Variants in NBAS observed in about 807,000 individuals in gnomAD.
NBAS encodes NBAS subunit of NRZ tethering complex.
In NBAS, 219 loss-of-function variants were observed where a neutral mutation model predicts 302.5. That is an observed-to-expected ratio of 0.72 (90% CI 0.65 to 0.81). NBAS has a LOEUF of 0.81. Among genes scored for constraint, NBAS ranks in the 30% least tolerant of loss-of-function variants. NBAS has a pLI of 0.00. For synonymous variants in NBAS, 1,118 were observed against 1,021.6 expected (o/e 1.09, Z -1.80); for missense variants, 2,932 against 2,841.6 (o/e 1.03, Z -0.72).
the NBAS span, among the ~76,000 whole-genome samples, chr2:14,829,534 A>G: frequency 6.6e-6 from 1 of 152,204 alleles, no homozygotes; most frequent in Non-Finnish European, 1.5e-5. Context: ...AAACTGAGAA[A>G]CAAATGGACA....
At chr2:15,330,457 G>A in intron 36 of NBAS, 141 bp downstream of exon 36, 1 of 1,065,354 alleles carries the variant, frequency 9.4e-7, no homozygotes, top group Non-Finnish European at 1.4e-6. Flanking sequence ...CTCCCTATCT[G>A]ATGAGAGGCC....
the NBAS span, among the ~76,000 whole-genome samples, chr2:14,869,435 AT>A: frequency 3.3e-5 from 5 of 152,218 alleles, no homozygotes; most frequent in Non-Finnish European, 5.9e-5. Flanking sequence ...GTGGTACCGG[AT>A]TAAACATGCA....
At chr2:15,546,267 T>C (rs1664103593) in intron 6 of NBAS, among the ~76,000 whole-genome samples, 2 of 152,184 alleles carry the variant, frequency 1.3e-5, no homozygotes, top group African/African-American at 2.4e-5. Flanking sequence ...CTTATTTTTC[T>C]TTTCTTTTTT....
At chr2:15,498,041 A>T (rs6431707) in intron 11 of NBAS, among the ~76,000 whole-genome samples, 91,584 of 151,574 alleles carry the variant, frequency 0.6, 28,581 homozygotes, top group Non-Finnish European at 0.68. Flanking sequence ...CCTTTCCTCC[A>T]CTGATTCTCC....
At chr2:15,232,999 T>A (rs1481481726) in intron 46 of NBAS, among the ~76,000 whole-genome samples, 1 of 152,138 alleles carries the variant, frequency 6.6e-6, no homozygotes, top group Admixed American at 6.5e-5. Flanking sequence ...ATTTTACAGA[T>A]GTTATGTGTA....
chr2:15,135,397 G>A, the NBAS span, among the ~76,000 whole-genome samples: 5 of 152,224 alleles, frequency 3.3e-5, no homozygotes, highest in Non-Finnish European at 7.3e-5. Flanking sequence ...GGGTGGTGCA[G>A]TCTTGGCATG....
intron 47 of NBAS, among the ~76,000 whole-genome samples, chr2:15,219,719 T>C (rs1378799566): frequency 2.6e-4 from 36 of 135,850 alleles, no homozygotes; most frequent in Non-Finnish European, 4.6e-4. Flanking sequence ...CTCCCATGTC[T>C]ACTTCTATCC....
the NBAS span, among the ~76,000 whole-genome samples, chr2:14,974,217 G>C: frequency 2.6e-5 from 4 of 152,132 alleles, no homozygotes; most frequent in African/African-American, 9.7e-5. Context: ...CCCTGTCTTT[G>C]GAAACTTTGA....
rs539739772 is a variant in NBAS at position 15,333,278 on chromosome 2, G to A, written c.4180-2513C>T. On this transcript the variant is annotated intron_variant, in intron 35 of 51. Coordinates refer to ENST00000281513, the MANE Select transcript of NBAS (RefSeq NM_015909.4). ...ACTTCTGAAACACGGCAAAATAGAG[G>A]AATCTTAAGTGACTCAGCAAAGCCA... 2.0e-5 allele frequency among the ~76,000 whole-genome samples: 3 copies of A among 152,214 alleles called. No individual in the cohort carries two copies. In the East Asian group the frequency reaches 5.8e-4, roughly 29 times the overall value.
intron 4 of NBAS, among the ~76,000 whole-genome samples, chr2:15,553,821 CCTCT>C (rs768369299): frequency 6.2e-5 from 8 of 129,110 alleles, no homozygotes; most frequent in East Asian, 2.7e-4. Context: ...TCCCTCTCTC[CCTCT>C]CTCTCTCCCT....
Position 15,554,107 on chromosome 2 carries a change from C to G in NBAS, c.241G>C (p.Val81Leu). 6.2e-7 allele frequency: 1 copy of G among 1,613,868 alleles called. No individual in the cohort carries two copies. The highest frequency in any genetic ancestry group is 8.5e-7 in the Non-Finnish European group (1 of 1,179,892). ...PAPFLLPDGL[V>L]RLVNKQINWH... ...TTTATCTGTTTATTAACCAAGCGAA[C>G]CAGTCCATCAGGGAGCAAAAAAGGT... The change falls in exon 4 of 52, where the codon GTT becomes CTT. Residue 81 changes from valine (V) to leucine (L), a missense_variant. Transcript: ENST00000281513.
At chr2:15,310,972 G>T (rs1272609005) in intron 38 of NBAS, among the ~76,000 whole-genome samples, 2 of 152,194 alleles carry the variant, frequency 1.3e-5, no homozygotes, top group African/African-American at 4.8e-5. Flanking sequence ...CCAACAGAAT[G>T]ATACAGCAGG....
chr2:15,356,019 T>C (rs1673600187), intron 33 of NBAS, among the ~76,000 whole-genome samples: 1 of 152,328 alleles, frequency 6.6e-6, no homozygotes. Flanking sequence ...GGAAATGGCA[T>C]TGAAATATTT....
At chr2:15,423,849 T>C (rs1572827620) in intron 23 of NBAS, among the ~76,000 whole-genome samples, 1 of 152,322 alleles carries the variant, frequency 6.6e-6, no homozygotes, top group Admixed American at 6.5e-5. Flanking sequence ...ATGCAGCTGT[T>C]TGGCATCTCT....
chr2:15,399,393 T>C (rs190836761), intron 26 of NBAS, among the ~76,000 whole-genome samples: 105 of 152,270 alleles, frequency 6.9e-4, no homozygotes, highest in African/African-American at 2.4e-3. Flanking sequence ...GCCACACTGA[T>C]AGCCTTTGGG....
At chr2:15,321,162 C>T (rs528063953) in intron 38 of NBAS, among the ~76,000 whole-genome samples, 5 of 152,230 alleles carry the variant, frequency 3.3e-5, no homozygotes, top group African/African-American at 7.2e-5. Flanking sequence ...CCTTATTTAA[C>T]AAATGGTGCT....
chr2:15,169,414 C>T (rs186902344), intron 51 of NBAS, among the ~76,000 whole-genome samples: 5 of 152,288 alleles, frequency 3.3e-5, no homozygotes, highest in Admixed American at 3.3e-4. Context: ...CTTTCCATCC[C>T]ACTTCTCTCC....
At chr2:15,037,294 C>T in the NBAS span, among the ~76,000 whole-genome samples, 8 of 152,122 alleles carry the variant, frequency 5.3e-5, no homozygotes, top group Non-Finnish European at 8.8e-5. Flanking sequence ...GGAGACACCC[C>T]GACTTCTAAC....
At chr2:15,038,053 C>CA in the NBAS span, among the ~76,000 whole-genome samples, 3 of 146,284 alleles carry the variant, frequency 2.1e-5, no homozygotes, top group East Asian at 6.0e-4. Context: ...ATCAAACAAC[C>CA]AAAAAAAGGT....
Sources: gnomAD v4.1 joint callset for allele counts (sites outside exome capture counted in the v4.1 genomes callset) on GRCh38, gnomAD v4.1.1 for gene constraint, MANE v1.5 for transcripts, NCBI Gene and HGNC (gene_info 2026-07-23, HGNC 2026-07-21) for gene names.